POU2AF2: variants seen among roughly 807,000 people sequenced by gnomAD.
POU2AF2 encodes the protein POU domain class 2-associating factor 2.
At chr11:111,261,380 A>G in the POU2AF2 span, among the ~76,000 whole-genome samples, 2 of 152,206 alleles carry the variant, frequency 1.3e-5, no homozygotes, top group Admixed American at 6.5e-5. Context: ...TTTTCAAATA[A>G]CATCATAAAA....
At chr11:111,278,812 G>A in the POU2AF2 span, among the ~76,000 whole-genome samples, 1 of 152,178 alleles carries the variant, frequency 6.6e-6, no homozygotes, top group East Asian at 1.9e-4. Context: ...AAGACCAAAG[G>A]GATTAGAACT....
the POU2AF2 span, among the ~76,000 whole-genome samples, chr11:111,273,496 T>C: frequency 6.6e-6 from 1 of 152,256 alleles, no homozygotes; most frequent in Non-Finnish European, 1.5e-5. Context: ...ATATCACCTG[T>C]TCACAAGTGG....
chr11:111,280,057 A>AAAAATATATATATATAT, the POU2AF2 span, among the ~76,000 whole-genome samples: 60 of 76,456 alleles, frequency 7.8e-4, no homozygotes, highest in East Asian at 2.2e-3. Flanking sequence ...AAAAAAAAAA[A>AAAAATATATATATATAT]ATATATATAT....
At chr11:111,283,983 A>C in the POU2AF2 span, 1 of 1,166,094 alleles carries the variant, frequency 8.6e-7, no homozygotes, top group South Asian at 1.4e-5. Flanking sequence ...ACGCGTTAGT[A>C]ACATCGTTTC....
At chr11:111,276,828 T>C in the POU2AF2 span, among the ~76,000 whole-genome samples, 1 of 150,892 alleles carries the variant, frequency 6.6e-6, no homozygotes, top group African/African-American at 2.4e-5. Flanking sequence ...AAACAAATAA[T>C]ATTTTCAGAT....
chr11:111,272,246 T>TC, the POU2AF2 span, among the ~76,000 whole-genome samples: 1 of 151,984 alleles, frequency 6.6e-6, no homozygotes, highest in African/African-American at 2.4e-5. Context: ...TAAATCACAT[T>TC]CCCCCAGGAC....
the POU2AF2 span, chr11:111,285,567 C>G: frequency 6.9e-7 from 1 of 1,447,944 alleles, no homozygotes; most frequent in Admixed American, 2.5e-5. Context: ...ACGAAGGCTG[C>G]CCTGAAGCCA....
chr11:111,260,025 A>G, the POU2AF2 span, among the ~76,000 whole-genome samples: 16 of 152,196 alleles, frequency 1.1e-4, no homozygotes, highest in African/African-American at 3.6e-4. Context: ...AATCTCAAGG[A>G]TATCATATGC....
chr11:111,284,164 C>A, the POU2AF2 span: 2 of 1,614,186 alleles, frequency 1.2e-6, no homozygotes. Context: ...TTTCAAATGA[C>A]GTCTACACCT....
the POU2AF2 span, among the ~76,000 whole-genome samples, chr11:111,276,525 C>A: frequency 4.4e-5 from 6 of 136,568 alleles, no homozygotes; most frequent in African/African-American, 1.6e-4. Context: ...GCCTGTAGTC[C>A]CAACTACTTG....
chr11:111,254,545 A>G, the POU2AF2 span, among the ~76,000 whole-genome samples: 30 of 152,302 alleles, frequency 2.0e-4, no homozygotes, highest in African/African-American at 6.5e-4. Flanking sequence ...CATTTTACAC[A>G]TGAGGAAAAT....
the POU2AF2 span, among the ~76,000 whole-genome samples, chr11:111,267,421 CT>C: frequency 6.6e-6 from 1 of 152,188 alleles, no homozygotes; most frequent in African/African-American, 2.4e-5. Flanking sequence ...AGCCTCTTTT[CT>C]GTTCTCTAGA....
chr11:111,265,242 T>G, the POU2AF2 span, among the ~76,000 whole-genome samples: 1 of 152,148 alleles, frequency 6.6e-6, no homozygotes, highest in Non-Finnish European at 1.5e-5. Context: ...TCTTGCCTGT[T>G]AAGGTCTCCC....
chr11:111,262,419 C>T, the POU2AF2 span, among the ~76,000 whole-genome samples: 1 of 152,210 alleles, frequency 6.6e-6, no homozygotes, highest in African/African-American at 2.4e-5. Flanking sequence ...TTTAGTTACA[C>T]ATTCAGCTGC....
the POU2AF2 span, among the ~76,000 whole-genome samples, chr11:111,280,057 A>AT: frequency 2.3e-3 from 176 of 76,446 alleles, 1 homozygote; most frequent in African/African-American, 8.1e-3. Flanking sequence ...AAAAAAAAAA[A>AT]ATATATATAT....
At chr11:111,249,386 G>A in the POU2AF2 span, among the ~76,000 whole-genome samples, 7 of 152,300 alleles carry the variant, frequency 4.6e-5, no homozygotes, top group East Asian at 7.7e-4. Flanking sequence ...GGAATACTCA[G>A]CATATTTTAA....
the POU2AF2 span, among the ~76,000 whole-genome samples, chr11:111,271,541 C>T: frequency 6.6e-6 from 1 of 152,118 alleles, no homozygotes; most frequent in Non-Finnish European, 1.5e-5. Flanking sequence ...CCTGCCTCAG[C>T]CTCCCAAGTA....
the POU2AF2 span, among the ~76,000 whole-genome samples, chr11:111,261,993 G>C: frequency 1.3e-5 from 2 of 152,138 alleles, no homozygotes; most frequent in Non-Finnish European, 2.9e-5. Context: ...TCCACACAGC[G>C]TGATTCTTGC....
the POU2AF2 span, chr11:111,281,495 C>T: frequency 4.4e-6 from 7 of 1,580,332 alleles, no homozygotes; most frequent in East Asian, 1.3e-4. Context: ...AATCAAGCAT[C>T]TGGGCTTCCA....
Sources: allele counts gnomAD v4.1 joint callset (sites outside exome capture counted in the v4.1 genomes callset), GRCh38; gene constraint gnomAD v4.1.1; transcripts MANE v1.5; gene names NCBI Gene and HGNC (gene_info 2026-07-23, HGNC 2026-07-21).